Variants in SPON1 observed in about 807,000 individuals in gnomAD.
SPON1 encodes spondin 1.
In SPON1, 52 loss-of-function variants were observed where a neutral mutation model predicts 111.7. The ratio of observed to expected loss-of-function variants is 0.47; its 90% CI spans 0.37 to 0.59. The LOEUF (loss-of-function observed/expected upper bound fraction) is 0.59. SPON1 is among the 20% of genes least tolerant of loss of function. The pLI is 0.00. For missense variants in SPON1, 957 were observed against 1,068.5 expected, an observed-to-expected ratio of 0.90 and a Z score of 1.46; for synonymous variants, 410 against 395.8, an observed-to-expected ratio of 1.04 and a Z score of -0.43.
chr11:14,160,510 T>TAC lies in SPON1; in HGVS notation c.825+24943_825+24944insCA, dbSNP rs1554930883. Among the ~76,000 whole-genome samples, 10 of 13,642 alleles carry TAC rather than the reference T, an allele frequency of 7.3e-4. 1 individual carries two copies. The highest frequency in any genetic ancestry group is 1.9e-3 in the African/African-American group (5 of 2,682). 8.9% of individuals were successfully genotyped at this position (13,642 alleles called of 152,430 possible). A position where few individuals can be genotyped will look rare whatever the true frequency, so the allele number is the denominator to read the frequency against. Reference sequence around the variant, plus strand: ...ATATATATATTTACATATATATATTTATATATATATTTACATATATATATT... The same window carrying TAC: ...ATATATATATTTACATATATATATTTACATATATATATTTACATATATATATT... On this transcript the variant is annotated intron_variant, in intron 6 of 15. Transcript: ENST00000576479.
chr11:14,054,874 A>G (rs1848733453), intron 3 of SPON1, among the ~76,000 whole-genome samples: 1 of 152,214 alleles, frequency 6.6e-6, no homozygotes, highest in South Asian at 2.1e-4. Context: ...GTACAGGCTC[A>G]CAGTGTGCAA....
chr11:13,990,667 C>T (rs1190350393), intron 2 of SPON1, among the ~76,000 whole-genome samples: 4 of 151,832 alleles, frequency 2.6e-5, no homozygotes, highest in South Asian at 4.2e-4. Flanking sequence ...TTCATAGTGT[C>T]GATATTCTTT....
At chr11:14,212,525 C>T (rs1251299243) in intron 6 of SPON1, among the ~76,000 whole-genome samples, 7 of 152,136 alleles carry the variant, frequency 4.6e-5, no homozygotes, top group African/African-American at 1.7e-4. Flanking sequence ...CCTGAATTCT[C>T]ATCCAGGTTC....
In SPON1 at chr11:14,131,667, T is replaced by C. The variant is rs115108738; in HGVS notation, c.677-3753T>C. On this transcript the variant is annotated intron_variant, in intron 5 of 15. Transcript: ENST00000576479. ...TAATTTGTACAACTCTGGGAGATTC[T>C]CCAGCTTGGTAATTATTATTTCTAT... Among the ~76,000 whole-genome samples, 860 of 152,328 alleles carry C rather than the reference T, an allele frequency of 5.6e-3. 11 individuals carry two copies. Among genetic ancestry groups the C allele is most frequent in the African/African-American group, 0.02 (820 of 41,578 alleles).
intron 6 of SPON1, among the ~76,000 whole-genome samples, chr11:14,229,793 G>A (rs1848776271): frequency 6.6e-6 from 1 of 152,142 alleles, no homozygotes; most frequent in Admixed American, 6.5e-5. Context: ...TGAACCCTCG[G>A]TCTGCCTATT....
intron 3 of SPON1, among the ~76,000 whole-genome samples, chr11:14,044,270 A>G (rs1554917634): frequency 6.6e-6 from 1 of 152,216 alleles, no homozygotes; most frequent in African/African-American, 2.4e-5. Context: ...AACAATACAA[A>G]AAGTAGTAAA....
At chr11:14,065,505 C>T (rs1201486795) in intron 3 of SPON1, among the ~76,000 whole-genome samples, 1 of 152,212 alleles carries the variant, frequency 6.6e-6, no homozygotes, top group Non-Finnish European at 1.5e-5. Context: ...ACTTCACTTT[C>T]TATTTCTTGT....
At chr11:14,251,478 G>T (rs782183681) in intron 7 of SPON1, among the ~76,000 whole-genome samples, 1 of 152,172 alleles carries the variant, frequency 6.6e-6, no homozygotes, top group Admixed American at 6.5e-5. Context: ...CAGGTTCCAG[G>T]GTAATGTGTT....
intron 5 of SPON1, among the ~76,000 whole-genome samples, chr11:14,081,573 G>A (rs1301357209): frequency 4.6e-5 from 7 of 151,984 alleles, no homozygotes; most frequent in Admixed American, 4.6e-4. Flanking sequence ...GTTGCGTGTT[G>A]CCCATTCTCT....
rs1849272931 is a variant in SPON1 at position 14,266,640 on chromosome 11, C to T, written c.*953C>T. On this transcript the variant is annotated 3_prime_UTR_variant, in exon 16 of 16. Coordinates refer to ENST00000576479, the MANE Select transcript of SPON1 (RefSeq NM_006108.4). The stretch of plus-strand genomic sequence containing the variant: ...ACATTTTTGCTATACAAACATTTTG[C>T]TAAGTCTGCCCAAAGCCCCCCCAAT... The T allele has an allele frequency of 6.6e-6, 1 of 151,946 alleles. No homozygotes were observed. Among genetic ancestry groups the T allele is most frequent in the East Asian group, 1.9e-4 (1 of 5,172 alleles). 9.4% of individuals were successfully genotyped at this position (151,946 alleles called of 1,614,324 possible).
chr11:14,091,479 A>G (rs1187240728), intron 5 of SPON1, among the ~76,000 whole-genome samples: 12 of 152,286 alleles, frequency 7.9e-5, no homozygotes, highest in Non-Finnish European at 1.3e-4. Context: ...CCCCGCGGGA[A>G]GGCAGCTCAG....
At chr11:14,112,684 T>G (rs1446271126) in intron 5 of SPON1, among the ~76,000 whole-genome samples, 2 of 152,220 alleles carry the variant, frequency 1.3e-5, no homozygotes, top group African/African-American at 4.8e-5. Flanking sequence ...GTCTTAATTT[T>G]CATGCATGTG....
chr11:14,144,634 C>CAATAATAATAATAAT (rs71041573), intron 6 of SPON1, among the ~76,000 whole-genome samples: 37 of 142,972 alleles, frequency 2.6e-4, no homozygotes, highest in African/African-American at 8.6e-4. Flanking sequence ...ACTCCATCTC[C>CAATAATAATAATAAT]AATAATAATA....
At chr11:13,996,061 A>G (rs1166601756) in intron 2 of SPON1, among the ~76,000 whole-genome samples, 1 of 151,530 alleles carries the variant, frequency 6.6e-6, no homozygotes, top group Non-Finnish European at 1.5e-5. Flanking sequence ...TGTGAAGACC[A>G]CTCTATTTTT....
At chr11:14,095,736 G>A (rs548505840) in intron 5 of SPON1, among the ~76,000 whole-genome samples, 1 of 152,162 alleles carries the variant, frequency 6.6e-6, no homozygotes, top group Non-Finnish European at 1.5e-5. Flanking sequence ...CCACCCACAC[G>A]GGGGATGGAA....
Position 14,259,460 on chromosome 11 carries a change from G to C in SPON1, c.1663+10G>C. 6.2e-7 allele frequency: 1 copy of C among 1,602,592 alleles called. No homozygotes were observed. The highest frequency in any genetic ancestry group is 1.1e-5 in the South Asian group (1 of 88,980). On this transcript the variant is annotated intron_variant, in intron 12 of 15. Transcript: ENST00000576479. This position sits in a 1 kb window ranked among gnomAD's most constrained non-coding sequence, Gnocchi z 5.0. ...GTCAACGAGGAGTGCTGTGAGTGGGGGCCCCGGGCGGGCAGGCGGGCAAGT... is the reference window on the plus strand; with the variant it reads ...GTCAACGAGGAGTGCTGTGAGTGGGCGCCCCGGGCGGGCAGGCGGGCAAGT...
intron 6 of SPON1, among the ~76,000 whole-genome samples, chr11:14,161,227 ATT>A (rs1564920168): frequency 2.8e-5 from 1 of 35,574 alleles, no homozygotes. Flanking sequence ...ATCTATATAT[ATT>A]TATATATTTA....
At chr11:14,264,047 AAAG>A (rs1420503576) in intron 15 of SPON1, among the ~76,000 whole-genome samples, 4 of 151,826 alleles carry the variant, frequency 2.6e-5, no homozygotes, top group Admixed American at 1.3e-4. Flanking sequence ...AAAAAAAAAA[AAAG>A]AAAAGTACAT....
intron 1 of SPON1, among the ~76,000 whole-genome samples, chr11:13,966,198 C>T (rs1848014623): frequency 6.6e-6 from 1 of 152,118 alleles, no homozygotes; most frequent in Non-Finnish European, 1.5e-5. Flanking sequence ...TCCCTCTTCC[C>T]ACAGTCCCCC....
Sources: gnomAD v4.1 joint callset for allele counts (sites outside exome capture counted in the v4.1 genomes callset) on GRCh38, gnomAD v4.1.1 for gene constraint, Gnocchi (gnomAD v3.1) non-coding constraint, MANE v1.5 for transcripts, NCBI Gene and HGNC (gene_info 2026-07-23, HGNC 2026-07-21) for gene names.